Variants in JMJD1C observed in about 807,000 individuals in gnomAD.
The protein encoded by JMJD1C is jumonji domain containing 1C, also known as jumonji domain-containing protein 1C.
In JMJD1C, 31 loss-of-function variants were observed where a neutral mutation model predicts 245.3. The ratio of observed to expected loss-of-function variants is 0.13; its 90% CI spans 0.09 to 0.17. The LOEUF is 0.17. JMJD1C is among the 10% of genes least tolerant of loss of function. JMJD1C has a pLI of 1.00. For synonymous variants in JMJD1C, 1,057 were observed against 1,017.4 expected (o/e 1.04, Z -0.74); for missense variants, 2,691 against 3,000.2 (o/e 0.90, Z 2.41).
chr10:63,324,733 A>G (rs1364270720), intron 2 of JMJD1C, among the ~76,000 whole-genome samples: 2 of 152,218 alleles, frequency 1.3e-5, no homozygotes, highest in Non-Finnish European at 2.9e-5. Flanking sequence ...TCAGATGGTG[A>G]TAAGTGATTT....
At chr10:63,321,160 A>T (rs1327866349) in intron 2 of JMJD1C, among the ~76,000 whole-genome samples, 1 of 152,212 alleles carries the variant, frequency 6.6e-6, no homozygotes, top group Non-Finnish European at 1.5e-5. Context: ...TCCAGATCCC[A>T]TCCCATGTAT....
chr10:63,432,493 T>G (rs1950817270), intron 1 of JMJD1C, among the ~76,000 whole-genome samples: 1 of 152,092 alleles, frequency 6.6e-6, no homozygotes, highest in African/African-American at 2.4e-5. Context: ...TCCTCCTCCT[T>G]CCTGCCTGGA....
At chr10:63,290,981 T>G (rs1379112184) in intron 2 of JMJD1C, among the ~76,000 whole-genome samples, 1 of 152,128 alleles carries the variant, frequency 6.6e-6, no homozygotes, top group Non-Finnish European at 1.5e-5. Context: ...AAAAATCTGA[T>G]TGCAATTACA....
intron 2 of JMJD1C, among the ~76,000 whole-genome samples, chr10:63,328,437 T>A (rs773409324): frequency 3.9e-5 from 6 of 152,226 alleles, no homozygotes; most frequent in Non-Finnish European, 7.3e-5. Context: ...TGCAAATTCA[T>A]TACGAATTGA....
intron 1 of JMJD1C, among the ~76,000 whole-genome samples, chr10:63,402,107 C>T (rs1374842415): frequency 2.0e-5 from 3 of 146,832 alleles, no homozygotes; most frequent in South Asian, 4.3e-4. Flanking sequence ...GCACTCCAGC[C>T]TGGGCAACAA....
intron 1 of JMJD1C, among the ~76,000 whole-genome samples, chr10:63,508,913 T>C (rs1954796918): frequency 6.6e-6 from 1 of 152,246 alleles, no homozygotes; most frequent in Admixed American, 6.5e-5. Context: ...TCAATCTATA[T>C]ACCTTTTATT....
rs773679387 is a variant in JMJD1C at position 63,206,582 on chromosome 10, G to C, written c.5074+13C>G. ...CCCATTTTACCTGAGATAAAACAAA[G>C]TAACTGACTTACTATTACTGTTGCT... On this transcript the variant is annotated intron_variant, in intron 10 of 25. Coordinates refer to ENST00000399262, the MANE Select transcript of JMJD1C (RefSeq NM_032776.3). The C allele has an allele frequency of 5.1e-6, 8 of 1,556,216 alleles. No homozygotes were observed. In the African/African-American group the frequency reaches 1.1e-4, roughly 21 times the overall value.
chr10:63,339,020 A>C (rs1943131000), intron 2 of JMJD1C, among the ~76,000 whole-genome samples: 1 of 152,206 alleles, frequency 6.6e-6, no homozygotes. Context: ...TGTGAGAATG[A>C]GCAAATATGT....
chr10:63,366,947 T>C (rs1945890875), intron 2 of JMJD1C, among the ~76,000 whole-genome samples: 1 of 152,192 alleles, frequency 6.6e-6, no homozygotes, highest in Admixed American at 6.5e-5. Flanking sequence ...CAGATCCAGT[T>C]ATAGCCAGTA....
intron 21 of JMJD1C, 32 bp downstream of exon 21, chr10:63,184,576 C>A: frequency 6.4e-7 from 1 of 1,561,628 alleles, no homozygotes; most frequent in Non-Finnish European, 8.6e-7. Flanking sequence ...CAATATAATT[C>A]CTACATGGGA....
At chr10:63,291,505 C>T (rs917945897) in intron 2 of JMJD1C, among the ~76,000 whole-genome samples, 1 of 150,864 alleles carries the variant, frequency 6.6e-6, no homozygotes, top group Non-Finnish European at 1.5e-5. Flanking sequence ...ATCCCAGCTA[C>T]TTGGGAGGCT....
intron 2 of JMJD1C, among the ~76,000 whole-genome samples, chr10:63,353,761 C>T (rs1005040850): frequency 4.6e-5 from 7 of 152,116 alleles, no homozygotes; most frequent in Admixed American, 3.3e-4. Context: ...CCCGCCTCAG[C>T]CTCCCAAGCG....
intron 1 of JMJD1C, among the ~76,000 whole-genome samples, chr10:63,426,153 T>C (rs74858893): frequency 0.037 from 5,593 of 152,194 alleles, 330 homozygotes; most frequent in East Asian, 0.28. Flanking sequence ...GGCAGAAGAA[T>C]TGCTTGAGGC....
Position 63,215,473 on chromosome 10 carries a change from A to T in JMJD1C, c.823-18T>A, listed in dbSNP as rs780481144. On this transcript the variant is annotated intron_variant, in intron 6 of 25. Coordinates refer to ENST00000399262, the MANE Select transcript of JMJD1C (RefSeq NM_032776.3). ...TAATGGCTCTAAAAATAACCAATTA[A>T]CAGTAATTGTTTACTACCTGGTTTC... The T allele has an allele frequency of 1.2e-6, 2 of 1,613,288 alleles. No individual in the cohort carries two copies. The highest frequency in any genetic ancestry group is 1.7e-6 in the Non-Finnish European group (2 of 1,179,292).
intron 2 of JMJD1C, among the ~76,000 whole-genome samples, chr10:63,284,186 G>A (rs987480247): frequency 6.6e-6 from 1 of 151,806 alleles, no homozygotes. Flanking sequence ...CAACACGCCT[G>A]GCTAATTTTT....
intron 2 of JMJD1C, among the ~76,000 whole-genome samples, chr10:63,356,517 C>T (rs1208331639): frequency 6.6e-6 from 1 of 152,200 alleles, no homozygotes; most frequent in East Asian, 1.9e-4. Context: ...GCACAAGCAC[C>T]TTCGGGCTTA....
chr10:63,282,441 T>C (rs910845213), intron 2 of JMJD1C, among the ~76,000 whole-genome samples: 3 of 152,224 alleles, frequency 2.0e-5, no homozygotes, highest in African/African-American at 7.2e-5. Context: ...CTTATGCCGA[T>C]ATTTTGACAG....
At chr10:63,509,730 T>C (rs1338428039) in intron 1 of JMJD1C, among the ~76,000 whole-genome samples, 1 of 152,216 alleles carries the variant, frequency 6.6e-6, no homozygotes, top group Non-Finnish European at 1.5e-5. Context: ...ATCTTTTTAA[T>C]GTCAATGGGA....
chr10:63,464,813 T>C (rs2133114626), intron 1 of JMJD1C, among the ~76,000 whole-genome samples: 2 of 152,284 alleles, frequency 1.3e-5, no homozygotes, highest in South Asian at 4.1e-4. Context: ...CAAAGAACTA[T>C]ACCTTTCTAA....
Sources: gnomAD v4.1 joint callset for allele counts (sites outside exome capture counted in the v4.1 genomes callset) on GRCh38, gnomAD v4.1.1 for gene constraint, MANE v1.5 for transcripts, NCBI Gene and HGNC (gene_info 2026-07-23, HGNC 2026-07-21) for gene names.